The following GPM6A variants were observed in gnomAD, a reference collection of about 807,000 sequenced individuals.
GPM6A encodes neuronal membrane glycoprotein M6-a.
A neutral mutation model predicts 32.1 loss-of-function variants in GPM6A; 7 were observed. The observed-to-expected ratio is 0.22, with a 90% CI of 0.12 to 0.41. GPM6A has a LOEUF of 0.41. GPM6A is among the 10% of genes least tolerant of loss of function. GPM6A has a pLI of 1.00. For missense variants in GPM6A, 235 were observed against 347.2 expected (o/e 0.68, Z 2.57); for synonymous variants, 130 against 123.4 (o/e 1.05, Z -0.35).
intron 1 of GPM6A, among the ~76,000 whole-genome samples, chr4:175,918,742 G>A (rs1337804247): frequency 1.3e-5 from 2 of 152,128 alleles, no homozygotes; most frequent in Non-Finnish European, 2.9e-5. Flanking sequence ...CCAGTAGGGT[G>A]TCTGAAATGC....
At chr4:175,897,634 C>A (rs1737838114) in intron 1 of GPM6A, among the ~76,000 whole-genome samples, 1 of 152,046 alleles carries the variant, frequency 6.6e-6, no homozygotes, top group Non-Finnish European at 1.5e-5. Context: ...CGTTAGAGAC[C>A]CATTCTTTGG....
chr4:175,845,062 A>G (rs1343944770), intron 1 of GPM6A, among the ~76,000 whole-genome samples: 1 of 152,130 alleles, frequency 6.6e-6, no homozygotes, highest in Admixed American at 6.6e-5. Flanking sequence ...AACACCTTTA[A>G]TAATTCCATT....
At chr4:175,715,294 T>A (rs545129465) in intron 1 of GPM6A, among the ~76,000 whole-genome samples, 5 of 152,312 alleles carry the variant, frequency 3.3e-5, no homozygotes, top group South Asian at 2.1e-4. Context: ...CAATTTATTA[T>A]AATTTCCCAC....
At chr4:175,695,127 A>G (rs543711005) in intron 2 of GPM6A, among the ~76,000 whole-genome samples, 1 of 151,772 alleles carries the variant, frequency 6.6e-6, no homozygotes, top group Admixed American at 6.5e-5. Flanking sequence ...GATATGCAGA[A>G]AAGCCTAGAT....
intron 1 of GPM6A, among the ~76,000 whole-genome samples, chr4:175,881,668 A>G (rs978639355): frequency 4.6e-5 from 7 of 152,358 alleles, no homozygotes; most frequent in Admixed American, 3.3e-4. Flanking sequence ...GCAGCCATAA[A>G]AAACGATGAG....
At chr4:175,738,199 A>C (rs900846811) in intron 1 of GPM6A, among the ~76,000 whole-genome samples, 1 of 152,082 alleles carries the variant, frequency 6.6e-6, no homozygotes, top group Non-Finnish European at 1.5e-5. Flanking sequence ...CGGCCTCCCA[A>C]TGTGCTGGGA....
At chr4:175,973,482 C>T (rs17052296) in intron 1 of GPM6A, among the ~76,000 whole-genome samples, 1 of 152,196 alleles carries the variant, frequency 6.6e-6, no homozygotes, top group Non-Finnish European at 1.5e-5. Flanking sequence ...AAGTGAGGTA[C>T]TTAAAAGGGT....
intron 1 of GPM6A, among the ~76,000 whole-genome samples, chr4:175,789,312 C>T (rs1158921004): frequency 6.6e-6 from 1 of 152,048 alleles, no homozygotes; most frequent in African/African-American, 2.4e-5. Context: ...TTAATCAAAA[C>T]ATCCATGTTT....
intron 1 of GPM6A, among the ~76,000 whole-genome samples, chr4:175,943,410 A>G (rs1359070112): frequency 6.6e-6 from 1 of 152,134 alleles, no homozygotes; most frequent in African/African-American, 2.4e-5. Context: ...AACTTCCAAT[A>G]CTATTCTTGA....
At chr4:175,758,967 T>A (rs1156331084) in intron 1 of GPM6A, among the ~76,000 whole-genome samples, 1 of 152,194 alleles carries the variant, frequency 6.6e-6, no homozygotes, top group East Asian at 1.9e-4. Context: ...GAATCTACTC[T>A]CCTTGAGACC....
chr4:175,895,047 G>A (rs904618941), intron 1 of GPM6A, among the ~76,000 whole-genome samples: 1 of 152,160 alleles, frequency 6.6e-6, no homozygotes. Context: ...GTGTTTCAGG[G>A]GACCCAGAAT....
intron 1 of GPM6A, among the ~76,000 whole-genome samples, chr4:175,840,071 G>T (rs1735889131): frequency 1.3e-5 from 2 of 152,234 alleles, no homozygotes; most frequent in Non-Finnish European, 1.5e-5. Context: ...CAATATGACT[G>T]GGAGAAAAAT....
At chr4:175,768,396 C>T (rs949012151) in intron 1 of GPM6A, among the ~76,000 whole-genome samples, 1 of 151,938 alleles carries the variant, frequency 6.6e-6, no homozygotes, top group Non-Finnish European at 1.5e-5. Flanking sequence ...TAAATTCTTT[C>T]CATAGAAGAT....
At chr4:175,987,501 C>A (rs898704299) in intron 1 of GPM6A, among the ~76,000 whole-genome samples, 1 of 149,850 alleles carries the variant, frequency 6.7e-6, no homozygotes, top group East Asian at 2.0e-4. Flanking sequence ...TTAAGACAAA[C>A]TTACTTTTGT....
intron 6 of GPM6A, among the ~76,000 whole-genome samples, chr4:175,637,123 ATATATAATATAT>A (rs1740684999): frequency 1.1e-5 from 1 of 90,068 alleles, no homozygotes; most frequent in African/African-American, 4.2e-5. Flanking sequence ...GTGATATATA[ATATATAATATAT>A]TATATATGAT....
intron 2 of GPM6A, among the ~76,000 whole-genome samples, chr4:175,694,998 G>T (rs147633455): frequency 2.6e-5 from 4 of 152,128 alleles, no homozygotes; most frequent in Non-Finnish European, 5.9e-5. Flanking sequence ...TATACAACTC[G>T]GGCCACTGCT....
In GPM6A at chr4:175,850,406, C is replaced by T. The variant is rs117282099; in HGVS notation, c.-22-38157G>A. Reference sequence around the variant, plus strand: ...AACAAAATCGTGGATGTGAGGGCAACGGGAAGAGAGGAGATAGAAACCAGG... The same window carrying T: ...AACAAAATCGTGGATGTGAGGGCAATGGGAAGAGAGGAGATAGAAACCAGG... On this transcript the variant is annotated intron_variant, in intron 1 of 7. Transcript: ENST00000280187. 5.3e-4 allele frequency among the ~76,000 whole-genome samples: 81 copies of T among 151,964 alleles called. 3 individuals are homozygous for T. The South Asian group carries it at 0.011, about 20-fold the overall frequency.
At chr4:175,746,776 AGGAGAGTTCGGGCTTC>A (rs1732120585) in intron 1 of GPM6A, among the ~76,000 whole-genome samples, 1 of 152,174 alleles carries the variant, frequency 6.6e-6, no homozygotes, top group African/African-American at 2.4e-5. Context: ...GCTAGACATA[AGGAGAGTTCGGGCTTC>A]ACAAACTGAT....
intron 1 of GPM6A, among the ~76,000 whole-genome samples, chr4:175,804,377 G>A (rs981954362): frequency 7.2e-5 from 11 of 152,010 alleles, no homozygotes; most frequent in Admixed American, 2.0e-4. Context: ...ATCTTTCTTG[G>A]AACTGAAATG....
Sources: allele counts gnomAD v4.1 joint callset (sites outside exome capture counted in the v4.1 genomes callset), GRCh38; gene constraint gnomAD v4.1.1; transcripts MANE v1.5; gene names NCBI Gene and HGNC (gene_info 2026-07-23, HGNC 2026-07-21).